ADAMTS6: variants seen among roughly 807,000 people sequenced by gnomAD.
ADAMTS6 encodes the protein ADAM metallopeptidase with thrombospondin type 1 motif 6.
In ADAMTS6, 23 loss-of-function variants were observed where a neutral mutation model predicts 144.3. The ratio of observed to expected loss-of-function variants is 0.16; its 90% CI spans 0.11 to 0.23. The LOEUF (loss-of-function observed/expected upper bound fraction) is 0.23, where lower values mean the gene tolerates loss of function less well. ADAMTS6 is among the 10% of genes least tolerant of loss of function. ADAMTS6 has a pLI of 1.00. For missense variants in ADAMTS6, 999 were observed against 1,379.6 expected (o/e 0.72, Z 4.37); for synonymous variants, 444 against 457.5 (o/e 0.97, Z 0.38).
At chr5:65,396,240 G>T (rs998886610) in intron 7 of ADAMTS6, among the ~76,000 whole-genome samples, 3 of 152,040 alleles carry the variant, frequency 2.0e-5, no homozygotes, top group African/African-American at 2.4e-5. Context: ...ATAGTCCAAA[G>T]GATATCATTT....
At chr5:65,259,166 G>A (rs1760945678) in intron 14 of ADAMTS6, among the ~76,000 whole-genome samples, 1 of 151,548 alleles carries the variant, frequency 6.6e-6, no homozygotes, top group Admixed American at 6.6e-5. Flanking sequence ...AGACCAGTCT[G>A]GCCAATGTGG....
At chr5:65,164,072 G>A (rs899272840) in intron 24 of ADAMTS6, among the ~76,000 whole-genome samples, 14 of 152,188 alleles carry the variant, frequency 9.2e-5, no homozygotes, top group Non-Finnish European at 1.9e-4. Flanking sequence ...AGCTCCCAGC[G>A]TGAGCGACGC....
At chr5:65,407,146 T>C (rs1754589721) in intron 7 of ADAMTS6, among the ~76,000 whole-genome samples, 1 of 152,040 alleles carries the variant, frequency 6.6e-6, no homozygotes, top group African/African-American at 2.4e-5. Context: ...GCCACAAAGA[T>C]ACTCCTTAAG....
chr5:65,314,624 GAC>G (rs932820799), intron 9 of ADAMTS6, among the ~76,000 whole-genome samples: 2 of 152,042 alleles, frequency 1.3e-5, no homozygotes, highest in Admixed American at 6.6e-5. Context: ...GAAAATAAAA[GAC>G]ACAGAGAAAA....
At chr5:65,383,554 G>C (rs964394552) in intron 7 of ADAMTS6, among the ~76,000 whole-genome samples, 2 of 152,194 alleles carry the variant, frequency 1.3e-5, no homozygotes, top group African/African-American at 4.8e-5. Context: ...ACAGGGATTA[G>C]GCCCCCAAGG....
chr5:65,412,581 C>T (rs1433806070), intron 7 of ADAMTS6, among the ~76,000 whole-genome samples: 1 of 152,108 alleles, frequency 6.6e-6, no homozygotes, highest in Non-Finnish European at 1.5e-5. Flanking sequence ...GCACACATCA[C>T]TGATAACATG....
At chr5:65,208,892 C>CT (rs1756301210) in intron 20 of ADAMTS6, among the ~76,000 whole-genome samples, 1 of 152,160 alleles carries the variant, frequency 6.6e-6, no homozygotes, top group African/African-American at 2.4e-5. Context: ...AGTACAGTTC[C>CT]TGAGCCAGTG....
chr5:65,268,223 G>C (rs975762595), intron 12 of ADAMTS6, among the ~76,000 whole-genome samples: 1 of 152,040 alleles, frequency 6.6e-6, no homozygotes, highest in Non-Finnish European at 1.5e-5. Flanking sequence ...CCAAATACTG[G>C]GCTATATCTC....
At chr5:65,342,095 A>T (rs890261144) in intron 7 of ADAMTS6, among the ~76,000 whole-genome samples, 1 of 152,146 alleles carries the variant, frequency 6.6e-6, no homozygotes, top group Admixed American at 6.6e-5. Context: ...AAACCCACAT[A>T]ATCATCTCAA....
chr5:65,457,117 C>T (rs1329688807), intron 4 of ADAMTS6, among the ~76,000 whole-genome samples: 1 of 152,110 alleles, frequency 6.6e-6, no homozygotes, highest in Non-Finnish European at 1.5e-5. Context: ...TTTTTTTTCC[C>T]CAGTAACACT....
chr5:65,156,027 A>G lies in ADAMTS6; in HGVS notation c.3245-4082T>C, dbSNP rs150779757. 2.3e-4 allele frequency among the ~76,000 whole-genome samples: 35 copies of G among 152,322 alleles called. 1 individual carries two copies. In the East Asian group the frequency reaches 5.8e-3, roughly 25 times the overall value. ...TGAAAAGGTGATTTTAGACACACCA[A>G]GAAGTTTTAAAGCCCCATTATTACA... On this transcript the variant is annotated intron_variant, in intron 24 of 24. Coordinates refer to ENST00000381055, the MANE Select transcript of ADAMTS6 (RefSeq NM_197941.4).
intron 14 of ADAMTS6, among the ~76,000 whole-genome samples, chr5:65,249,507 G>A (rs1318204347): frequency 6.6e-6 from 1 of 152,176 alleles, no homozygotes; most frequent in Non-Finnish European, 1.5e-5. Context: ...CCTTGGTGCA[G>A]TCTCTTCCAA....
At chr5:65,249,775 A>G (rs946529655) in intron 14 of ADAMTS6, among the ~76,000 whole-genome samples, 1 of 152,220 alleles carries the variant, frequency 6.6e-6, no homozygotes, top group African/African-American at 2.4e-5. Context: ...TTTTCTAATT[A>G]TAATTTAAGA....
At chr5:65,466,967 G>A (rs1305256721) in intron 3 of ADAMTS6, among the ~76,000 whole-genome samples, 2 of 151,774 alleles carry the variant, frequency 1.3e-5, no homozygotes, top group Admixed American at 1.3e-4. Context: ...GCGTGGACCC[G>A]GGAGGCGGAG....
chr5:65,282,487 T>C (rs1561373652), intron 11 of ADAMTS6, among the ~76,000 whole-genome samples: 1 of 152,108 alleles, frequency 6.6e-6, no homozygotes, highest in Non-Finnish European at 1.5e-5. Flanking sequence ...TCCCAGTTAA[T>C]TCTCTGCTGG....
intron 7 of ADAMTS6, among the ~76,000 whole-genome samples, chr5:65,402,698 C>G (rs1362535763): frequency 6.6e-6 from 1 of 152,030 alleles, no homozygotes; most frequent in African/African-American, 2.4e-5. Flanking sequence ...GGACACCCCC[C>G]CCCATATTTG....
chr5:65,336,457 T>C (rs1465197616), intron 7 of ADAMTS6, among the ~76,000 whole-genome samples: 1 of 152,084 alleles, frequency 6.6e-6, no homozygotes, highest in African/African-American at 2.4e-5. Flanking sequence ...CCACTTTGCA[T>C]GAACCCATAC....
chr5:65,452,605 G>A (rs1561554831), intron 5 of ADAMTS6, 102 bp downstream of exon 5: 11 of 1,255,316 alleles, frequency 8.8e-6, no homozygotes, highest in Non-Finnish European at 7.7e-6. Flanking sequence ...ATTTTAGACA[G>A]GTAAATTCTT....
rs780496146 is a variant in ADAMTS6, at chr5:65,398,801, AAAGAAAG to A, written c.1073+52667_1073+52673del. ...GAGAGCAAGAAAGAAAGAAAGAAAGAAAGAAAGAAAGAAAGAAAGAAAGAAAGAAAGA... is the reference window on the plus strand; with the variant it reads ...GAGAGCAAGAAAGAAAGAAAGAAAGAAAAGAAAGAAAGAAAGAAAGAAAGA... On this transcript the variant is annotated intron_variant, in intron 7 of 24. Coordinates refer to ENST00000381055, the MANE Select transcript of ADAMTS6 (RefSeq NM_197941.4). 1.9e-3 allele frequency among the ~76,000 whole-genome samples: 211 copies of A among 109,390 alleles called. 1 individual carries two copies. Among genetic ancestry groups the A allele is most frequent in the Middle Eastern group, 0.012 (3 of 242 alleles). 71.8% of individuals were successfully genotyped at this position (109,390 alleles called of 152,430 possible).
Sources: gnomAD v4.1 joint callset for allele counts (sites outside exome capture counted in the v4.1 genomes callset) on GRCh38, gnomAD v4.1.1 for gene constraint, MANE v1.5 for transcripts, NCBI Gene and HGNC (gene_info 2026-07-23, HGNC 2026-07-21) for gene names.